TLE5: variants seen among roughly 807,000 people sequenced by gnomAD.
TLE5 encodes TLE family member 5.
In TLE5, 7 loss-of-function variants were observed where a neutral mutation model predicts 25.8. The observed-to-expected ratio is 0.27, with a 90% confidence interval of 0.15 to 0.51. The LOEUF (loss-of-function observed/expected upper bound fraction) is 0.51. Ranked by LOEUF, TLE5 falls within the 20% of genes least tolerant of loss-of-function variation. The pLI is 0.97. For missense variants in TLE5, 149 were observed against 250.7 expected (o/e 0.59, Z 2.74); for synonymous variants, 132 against 110.5 (o/e 1.20, Z -1.22).
Position 3,056,321 on chromosome 19 carries a change from C to A in TLE5, c.225G>T (p.Met75Ile), listed in dbSNP as rs1466629710. The stretch of plus-strand genomic sequence containing the variant: ...GAGGAGATGGGCGTACCTGTTTGTG[C>A]ATCTCGATGTTCAAGCCGTAGGACA... The part of the protein sequence containing the change: ...YEMSYGLNIE[M>I]HKQAEIVKRL... Residue 75 changes from methionine to isoleucine, a missense_variant, in exon 4 of 7, where the codon ATG becomes ATT. Transcript: ENST00000327141. The A allele has an allele frequency of 6.5e-7, 1 of 1,529,200 alleles. No individual in the cohort carries two copies. The highest frequency in any genetic ancestry group is 1.8e-4 in the Middle Eastern group (1 of 5,408). The allele number at this position is 1,529,200 out of a possible 1,614,324, so 94.7% of individuals were successfully genotyped here. A position where few individuals can be genotyped will look rare whatever the true frequency, so the allele number is the denominator to read the frequency against.
At chr19:3,057,623 G>T in intron 3 of TLE5, 56 bp downstream of exon 3, 1 of 1,547,544 alleles carries the variant, frequency 6.5e-7, no homozygotes. Context: ...TGGAGGGGAT[G>T]TGGAGGGCCC....
Position 3,053,538 on chromosome 19 carries a change from T to G in TLE5, c.*281A>C. On this transcript the variant is annotated 3_prime_UTR_variant, in exon 7 of 7. Coordinates refer to ENST00000327141, the MANE Select transcript of TLE5 (RefSeq NM_001130.6). ...GAGGTCTTGCTCCCTTGGGACCTGGTCTCCCATCTGACCCTCCAGGCCTTA... is the reference window on the plus strand; with the variant it reads ...GAGGTCTTGCTCCCTTGGGACCTGGGCTCCCATCTGACCCTCCAGGCCTTA... 1 of 522,170 alleles carries G rather than the reference T, an allele frequency of 1.9e-6. No homozygotes were observed. Among genetic ancestry groups the G allele is most frequent in the South Asian group, 2.5e-5 (1 of 39,880 alleles). The allele number at this position is 522,170 out of a possible 1,614,324, so 32.3% of individuals were successfully genotyped here.
chr19:3,062,495 TG>T (rs2090280931), upstream of TLE5: 1 of 611,148 alleles, frequency 1.6e-6, no homozygotes, highest in Admixed American at 6.7e-5. Context: ...ACGCCGGCAG[TG>T]GCCGCGGCTC....
At chr19:3,055,434 A>C in intron 5 of TLE5, 1 of 379,008 alleles carries the variant, frequency 2.6e-6, no homozygotes. Flanking sequence ...CCAGCTGGGA[A>C]TTCCAGAGCA....
At chr19:3,058,903 C>T (rs1337111283) in intron 2 of TLE5, among the ~76,000 whole-genome samples, 3 of 152,210 alleles carry the variant, frequency 2.0e-5, no homozygotes, top group Admixed American at 6.5e-5. Context: ...CTCAGCCCTT[C>T]GTCTTCCCTG....
intron 2 of TLE5, 108 bp from the exon 3 acceptor site, chr19:3,057,850 G>A (rs1260533268): frequency 6.8e-5 from 67 of 987,446 alleles, no homozygotes; most frequent in Admixed American, 1.4e-4. Flanking sequence ...CCCTGTAAGG[G>A]CAAGATCAGC....
At chr19:3,057,123 G>C (rs2090225886) in intron 3 of TLE5, among the ~76,000 whole-genome samples, 1 of 152,164 alleles carries the variant, frequency 6.6e-6, no homozygotes, top group Non-Finnish European at 1.5e-5. Context: ...GCTGCTCGAG[G>C]GCCAGGCCAA....
At chr19:3,061,349 G>C (rs1395001694) in intron 1 of TLE5, 92 bp from the exon 2 acceptor site, 15 of 932,340 alleles carry the variant, frequency 1.6e-5, no homozygotes, top group African/African-American at 3.3e-5. Flanking sequence ...CAGCTGCGGC[G>C]CCCCCCCTCC....
chr19:3,058,959 C>T (rs1599272577), intron 2 of TLE5, among the ~76,000 whole-genome samples: 1 of 152,318 alleles, frequency 6.6e-6, no homozygotes, highest in Admixed American at 6.5e-5. Flanking sequence ...GGCTTCATTT[C>T]CTCCTCTGTG....
At chr19:3,056,284 G>A in intron 4 of TLE5, 28 bp downstream of exon 4, 1 of 1,488,930 alleles carries the variant, frequency 6.7e-7, no homozygotes, top group Non-Finnish European at 9.0e-7. Flanking sequence ...GGAGGAGGAG[G>A]AGGAGGAGGA....
chr19:3,057,711 C>T lies in TLE5; in HGVS notation c.157G>A (p.Glu53Lys). The T allele has an allele frequency of 6.2e-7, 1 of 1,613,648 alleles. No homozygotes were observed. Among genetic ancestry groups the T allele is most frequent in the African/African-American group, 1.3e-5 (1 of 75,024 alleles). The change falls in exon 3 of 7, where the codon GAG (glutamate) becomes AAG (lysine). Residue 53 changes from glutamate (E) to lysine (K), a missense_variant. Glu to Lys is a moderately conservative substitution (Grantham distance 56, BLOSUM62 1). Coordinates refer to ENST00000327141, the MANE Select transcript of TLE5 (RefSeq NM_001130.6). The stretch of plus-strand genomic sequence containing the variant: ...TAGTGACGCTGCATCTCTGACTTCT[C>T]ACTGGCCAACTTGTCACATTCGAGC... ...LKLECDKLAS[E>K]KSEMQRHYVM... is the part of the protein sequence containing the mutation.
In TLE5 at chr19:3,056,099, AAC is replaced by A. The variant is rs1469010379; in HGVS notation, c.234+211_234+212del. On this transcript the variant is annotated intron_variant, in intron 4 of 6. Transcript: ENST00000327141. ...TCTGCCCCTCCCCACCACCGGGAGA[AAC>A]ACTCCCAGGGAGGCCTGAAAAAGAG... is the stretch of plus-strand genomic sequence containing the variant. 11 of 513,866 alleles carry A rather than the reference AAC, an allele frequency of 2.1e-5. No homozygotes were observed. The South Asian group carries it at 2.9e-4, about 14-fold the overall frequency. 31.8% of individuals were successfully genotyped at this position (513,866 alleles called of 1,614,324 possible). A position where few individuals can be genotyped will look rare whatever the true frequency, so the allele number is the denominator to read the frequency against.
chr19:3,054,579 C>G (rs367820), intron 5 of TLE5: 113,438 of 258,782 alleles, frequency 0.44, 26,336 homozygotes, highest in African/African-American at 0.59. Context: ...CCCAACTGTA[C>G]AGGGACGTCC....
chr19:3,054,682 G>C (rs1250007365), intron 5 of TLE5: 1 of 164,460 alleles, frequency 6.1e-6, no homozygotes, highest in Non-Finnish European at 1.3e-5. Context: ...ATTCTGGCAG[G>C]GCTGGCTGGG....
chr19:3,062,865 C>G (rs1396284058), upstream of TLE5: 6 of 1,489,526 alleles, frequency 4.0e-6, no homozygotes, highest in South Asian at 3.6e-5. Flanking sequence ...GCCTTAGTTT[C>G]CTTTTCTGCA....
rs775245065 is a variant in TLE5, at chr19:3,054,192, G to A, written c.300C>T (p.His100=). 2 of 1,608,656 alleles carry A rather than the reference G, an allele frequency of 1.2e-6. No homozygotes were observed. The highest frequency in any genetic ancestry group is 1.7e-6 in the Non-Finnish European group (2 of 1,179,224). ...AQVLPYLSQE[H]QQQVLGAIER... is the part of the protein sequence containing the mutation. Reference sequence around the variant, plus strand: ...CAATGGCTCCCAAGACCTGCTGCTGGTGCTGGAAGGGGGTCGGGGGAGAGG... The same window carrying A: ...CAATGGCTCCCAAGACCTGCTGCTGATGCTGGAAGGGGGTCGGGGGAGAGG... Residue 100 remains histidine, a splice_region_variant and synonymous_variant, in exon 6 of 7, where the codon CAC becomes CAT. Transcript: ENST00000327141.
intron 2 of TLE5, among the ~76,000 whole-genome samples, chr19:3,060,324 CTTTCT>C (rs1196148297): frequency 8.5e-6 from 1 of 118,078 alleles, no homozygotes; most frequent in African/African-American, 3.6e-5. Context: ...TTCTTTTTTT[CTTTCT>C]TTTTTTTTTT....
Position 3,061,140 on chromosome 19 carries a change from C to A in TLE5, c.125+20G>T. ...GACTCACATTCTCGGGACGCAGGGA[C>A]CCCCAGTCCCCCAGCTCACCTGTGG... On this transcript the variant is annotated intron_variant, in intron 2 of 6. Coordinates refer to ENST00000327141, the MANE Select transcript of TLE5 (RefSeq NM_001130.6). 4 of 1,587,012 alleles carry A rather than the reference C, an allele frequency of 2.5e-6. No individual in the cohort carries two copies. The highest frequency in any genetic ancestry group is 3.5e-6 in the Non-Finnish European group (4 of 1,155,936).
intron 2 of TLE5, among the ~76,000 whole-genome samples, chr19:3,060,574 C>T (rs1486566315): frequency 1.3e-5 from 2 of 151,992 alleles, no homozygotes; most frequent in African/African-American, 4.8e-5. Context: ...TCAAGTGATC[C>T]ACCTTCCTCG....
Sources: allele counts gnomAD v4.1 joint callset (sites outside exome capture counted in the v4.1 genomes callset), GRCh38; gene constraint gnomAD v4.1.1; transcripts MANE v1.5; gene names NCBI Gene and HGNC (gene_info 2026-07-23, HGNC 2026-07-21).